Variants in PLCL1 observed in about 807,000 individuals in gnomAD.
PLCL1 encodes phospholipase C like 1 (inactive).
A neutral mutation model predicts 84.4 loss-of-function variants in PLCL1; 41 were observed. The observed-to-expected ratio is 0.49, with a 90% CI of 0.38 to 0.63. PLCL1 has a LOEUF of 0.63. Ranked by LOEUF, PLCL1 falls within the 30% of genes least tolerant of loss-of-function variation. The probability of loss-of-function intolerance (pLI) is 0.00; values close to 1 mark genes in which losing one functional copy is unlikely to be tolerated. For synonymous variants in PLCL1, 490 were observed against 488.3 expected, an observed-to-expected ratio of 1.00 and a Z score of -0.05; for missense variants, 1,206 against 1,367.8, an observed-to-expected ratio of 0.88 and a Z score of 1.87.
At chr2:197,991,438 G>A (rs750632225) in intron 1 of PLCL1, among the ~76,000 whole-genome samples, 24 of 151,856 alleles carry the variant, frequency 1.6e-4, no homozygotes, top group Non-Finnish European at 5.9e-5. Context: ...TTTCCTCTCT[G>A]TGCATATATA....
intron 1 of PLCL1, among the ~76,000 whole-genome samples, chr2:197,873,721 C>T (rs952055593): frequency 1.3e-5 from 2 of 152,152 alleles, no homozygotes; most frequent in Admixed American, 6.6e-5. Context: ...CTCTGTGCCT[C>T]ACCAATATAT....
intron 5 of PLCL1, among the ~76,000 whole-genome samples, chr2:198,111,962 G>A (rs759352805): frequency 6.6e-6 from 1 of 151,836 alleles, no homozygotes; most frequent in Non-Finnish European, 1.5e-5. Context: ...TATGCCTACT[G>A]TCAGTAGTCA....
At chr2:197,880,721 A>T (rs1005385388) in intron 1 of PLCL1, among the ~76,000 whole-genome samples, 4 of 152,178 alleles carry the variant, frequency 2.6e-5, no homozygotes, top group African/African-American at 9.6e-5. Context: ...TAAAGAGATG[A>T]AATCTCACTG....
At chr2:198,114,327 C>G (rs1693689055) in intron 5 of PLCL1, among the ~76,000 whole-genome samples, 1 of 151,670 alleles carries the variant, frequency 6.6e-6, no homozygotes, top group Admixed American at 6.6e-5. Context: ...TCCAGTAGAA[C>G]TAAATTTAGC....
chr2:197,874,258 T>C (rs549613059), intron 1 of PLCL1, among the ~76,000 whole-genome samples: 34 of 152,260 alleles, frequency 2.2e-4, no homozygotes, highest in Middle Eastern at 6.8e-3. Context: ...TTCTATTTTC[T>C]TTAGATTATT....
Position 198,146,427 on chromosome 2 carries a change from G to A in PLCL1, c.3106-353G>A, listed in dbSNP as rs1416822923. ...GTTTTCTCCCAAGACTAGGAATGCT[G>A]GATCTGGGCGGGGTAGGTATTGCAG... On this transcript the variant is annotated intron_variant, in intron 5 of 5. Coordinates refer to ENST00000428675, the MANE Select transcript of PLCL1 (RefSeq NM_006226.4). Among the ~76,000 whole-genome samples the A allele has an allele frequency of 3.3e-5, 5 of 152,126 alleles. No individual in the cohort carries two copies. The East Asian group carries it at 9.6e-4, about 29-fold the overall frequency.
chr2:198,028,651 A>C (rs773620015), intron 1 of PLCL1, among the ~76,000 whole-genome samples: 1 of 152,210 alleles, frequency 6.6e-6, no homozygotes, highest in Non-Finnish European at 1.5e-5. Context: ...TTTTGTACAC[A>C]AACCGTCTCT....
At chr2:198,103,156 T>C (rs1165698004) in intron 4 of PLCL1, among the ~76,000 whole-genome samples, 1 of 152,070 alleles carries the variant, frequency 6.6e-6, no homozygotes, top group Admixed American at 6.6e-5. Flanking sequence ...ATAAGACATA[T>C]GCATTCCTCA....
At chr2:197,908,003 G>A (rs1329270846) in intron 1 of PLCL1, among the ~76,000 whole-genome samples, 2 of 152,300 alleles carry the variant, frequency 1.3e-5, no homozygotes, top group Admixed American at 6.5e-5. Context: ...ATCATCTGAC[G>A]TGAGTGATAT....
chr2:198,066,323 A>G (rs1692319257), intron 1 of PLCL1, among the ~76,000 whole-genome samples: 1 of 152,166 alleles, frequency 6.6e-6, no homozygotes, highest in South Asian at 2.1e-4. Context: ...TTAATACTCT[A>G]GAGCCACTTA....
chr2:197,963,101 A>G (rs750080489), intron 1 of PLCL1, among the ~76,000 whole-genome samples: 1 of 152,048 alleles, frequency 6.6e-6, no homozygotes, highest in Non-Finnish European at 1.5e-5. Context: ...TAGCAGTAGG[A>G]TTGCTGGATC....
chr2:197,887,003 G>A (rs989847623), intron 1 of PLCL1, among the ~76,000 whole-genome samples: 9 of 152,096 alleles, frequency 5.9e-5, no homozygotes, highest in African/African-American at 2.2e-4. Flanking sequence ...GTTGAGTATA[G>A]CCATGCAAAG....
intron 1 of PLCL1, among the ~76,000 whole-genome samples, chr2:198,049,726 T>C (rs1429267387): frequency 6.6e-6 from 1 of 152,118 alleles, no homozygotes; most frequent in Non-Finnish European, 1.5e-5. Flanking sequence ...TGAGTGAAAC[T>C]TGGCACCTCC....
intron 1 of PLCL1, among the ~76,000 whole-genome samples, chr2:197,997,667 A>G (rs1484347672): frequency 1.3e-5 from 2 of 152,154 alleles, no homozygotes; most frequent in African/African-American, 4.8e-5. Flanking sequence ...GAATTTAACT[A>G]GATTAGAACC....
chr2:197,833,894 C>T (rs1691125119), intron 1 of PLCL1, among the ~76,000 whole-genome samples: 1 of 152,206 alleles, frequency 6.6e-6, no homozygotes, highest in Non-Finnish European at 1.5e-5. Context: ...CTGGAGGCAT[C>T]ATGCTACCTG....
chr2:198,045,915 G>A (rs771839099), intron 1 of PLCL1, among the ~76,000 whole-genome samples: 2 of 152,188 alleles, frequency 1.3e-5, no homozygotes, highest in Non-Finnish European at 2.9e-5. Context: ...ATTTGACAGA[G>A]ATCTTCATTG....
At chr2:197,857,514 T>C (rs1687353461) in intron 1 of PLCL1, among the ~76,000 whole-genome samples, 1 of 152,206 alleles carries the variant, frequency 6.6e-6, no homozygotes, top group Admixed American at 6.5e-5. Context: ...CAGCTGATTG[T>C]ATCAGTTTAG....
chr2:198,110,421 G>A (rs1248001872), intron 5 of PLCL1, among the ~76,000 whole-genome samples: 1 of 151,864 alleles, frequency 6.6e-6, no homozygotes, highest in Admixed American at 6.6e-5. Flanking sequence ...CTGAATTCCC[G>A]AATTTCAGGA....
At chr2:198,062,556 C>T (rs1692228104) in intron 1 of PLCL1, among the ~76,000 whole-genome samples, 1 of 152,038 alleles carries the variant, frequency 6.6e-6, no homozygotes, top group Non-Finnish European at 1.5e-5. Context: ...AATTAAAATT[C>T]AAGTGCTGAA....
Sources: gnomAD v4.1 joint callset for allele counts (sites outside exome capture counted in the v4.1 genomes callset) on GRCh38, gnomAD v4.1.1 for gene constraint, MANE v1.5 for transcripts, NCBI Gene and HGNC (gene_info 2026-07-23, HGNC 2026-07-21) for gene names.